The following FRRS1 variants were observed in gnomAD, a reference collection of about 807,000 sequenced individuals.
FRRS1 encodes ferric chelate reductase 1.
FRRS1 carries 51 observed loss-of-function variants against 70.7 expected under a neutral mutation model. The ratio of observed to expected loss-of-function variants is 0.72; its 90% CI spans 0.58 to 0.91. The LOEUF (loss-of-function observed/expected upper bound fraction) is 0.91, where lower values mean the gene tolerates loss of function less well. Among genes scored for constraint, FRRS1 ranks in the 40% least tolerant of loss-of-function variants. The pLI, the probability that FRRS1 is intolerant of heterozygous loss-of-function variation, is 0.00. For missense variants in FRRS1, 672 were observed against 726.0 expected, an observed-to-expected ratio of 0.93 and a Z score of 0.86; for synonymous variants, 225 against 238.7, an observed-to-expected ratio of 0.94 and a Z score of 0.53.
intron 6 of FRRS1, among the ~76,000 whole-genome samples, chr1:99,739,321 C>G (rs1263473504): frequency 2.0e-5 from 3 of 152,266 alleles, no homozygotes; most frequent in African/African-American, 7.2e-5. Context: ...CCAACAAGAG[C>G]CTTTGATTGA....
chr1:99,749,390 GCTTT>G (rs749386858), intron 1 of FRRS1, among the ~76,000 whole-genome samples: 1 of 152,088 alleles, frequency 6.6e-6, no homozygotes, highest in Non-Finnish European at 1.5e-5. Flanking sequence ...ATAAATAATA[GCTTT>G]CTTTATTATC....
intron 7 of FRRS1, among the ~76,000 whole-genome samples, chr1:99,733,525 A>G (rs1428911612): frequency 2.0e-5 from 3 of 152,250 alleles, no homozygotes. Context: ...TGGTGGAGAC[A>G]CATCAAAAGG....
intron 6 of FRRS1, among the ~76,000 whole-genome samples, chr1:99,740,445 T>C (rs1655900775): frequency 6.6e-6 from 1 of 152,208 alleles, no homozygotes; most frequent in Non-Finnish European, 1.5e-5. Flanking sequence ...TCTATGCACT[T>C]TGCCACACAA....
In FRRS1 at chr1:99,707,486, G is replaced by A. The variant is rs1236037315; in HGVS notation, c.*1542C>T. Among the ~76,000 whole-genome samples, 3 of 151,978 alleles carry A rather than the reference G, an allele frequency of 2.0e-5. No individual in the cohort carries two copies. Among genetic ancestry groups the A allele is most frequent in the Non-Finnish European group, 2.9e-5 (2 of 67,992 alleles). On this transcript the variant is annotated 3_prime_UTR_variant, in exon 17 of 17. Transcript: ENST00000646001. ...TGCATTCATTATTACAGGGTCAGGG[G>A]ACTTGTAAAAACAAATATCAATTAT...
At position 99,708,618 on chromosome 1, in the gene FRRS1, AAAAAAAAATATATATATATATATATATAT is replaced by A. The variant is rs1654115700; in HGVS notation, c.*381_*409del. ...GTCTCAAAAAAAAAAAAAAAAAAAA[AAAAAAAAATATATATATATATATATATAT>A]ATATATATATATATATCGTAATATA... On this transcript the variant is annotated 3_prime_UTR_variant, in exon 17 of 17. Coordinates refer to ENST00000646001, the MANE Select transcript of FRRS1 (RefSeq NM_001361041.2). The A allele has an allele frequency of 2.3e-5, 2 of 87,352 alleles. No homozygotes were observed. Among genetic ancestry groups the A allele is most frequent in the Admixed American group, 1.3e-4 (1 of 7,898 alleles). The allele number at this position is 87,352 out of a possible 1,614,324, so 5.4% of individuals were successfully genotyped here. A position where few individuals can be genotyped will look rare whatever the true frequency, so the allele number is the denominator to read the frequency against.
At chr1:99,745,763 C>G (rs186589386) in intron 4 of FRRS1, among the ~76,000 whole-genome samples, 1 of 152,006 alleles carries the variant, frequency 6.6e-6, no homozygotes, top group Non-Finnish European at 1.5e-5. Flanking sequence ...AATTGCAATC[C>G]CCAGTGTTGG....
intron 1 of FRRS1, among the ~76,000 whole-genome samples, chr1:99,761,333 A>C (rs1657104718): frequency 6.6e-6 from 1 of 151,778 alleles, no homozygotes; most frequent in Non-Finnish European, 1.5e-5. Context: ...TGACTATATT[A>C]CCCAGGCTGG....
intron 1 of FRRS1, among the ~76,000 whole-genome samples, chr1:99,753,575 G>A (rs1465098336): frequency 3.3e-5 from 5 of 151,908 alleles, no homozygotes; most frequent in Non-Finnish European, 7.4e-5. Flanking sequence ...AGACCATCCT[G>A]GCTAACATGG....
At chr1:99,715,185 A>T (rs1473867877) in intron 12 of FRRS1, among the ~76,000 whole-genome samples, 1 of 152,152 alleles carries the variant, frequency 6.6e-6, no homozygotes, top group Non-Finnish European at 1.5e-5. Flanking sequence ...ACACATATAA[A>T]GCACTTAGCA....
chr1:99,706,876 A>T lies in FRRS1; in HGVS notation c.*2152T>A, dbSNP rs1654049936. 6.7e-6 allele frequency among the ~76,000 whole-genome samples: 1 copy of T among 149,566 alleles called. No individual in the cohort carries two copies. Among genetic ancestry groups the T allele is most frequent in the Admixed American group, 6.6e-5 (1 of 15,170 alleles). ...CACTGCACTCCAGCCTAGACAACAG[A>T]GTGAGACTTTGTCACAAAAAAAAAA... On this transcript the variant is annotated 3_prime_UTR_variant, in exon 17 of 17. Coordinates refer to ENST00000646001, the MANE Select transcript of FRRS1 (RefSeq NM_001361041.2).
Position 99,738,279 on chromosome 1 carries a change from G to A in FRRS1, c.577-11C>T, listed in dbSNP as rs894625222. The A allele has an allele frequency of 6.4e-7, 1 of 1,554,866 alleles. No individual in the cohort carries two copies. Among genetic ancestry groups the A allele is most frequent in the Non-Finnish European group, 8.7e-7 (1 of 1,152,558 alleles). On this transcript the variant is annotated splice_polypyrimidine_tract_variant and intron_variant, in intron 6 of 16. Coordinates refer to ENST00000646001, the MANE Select transcript of FRRS1 (RefSeq NM_001361041.2). Reference sequence around the variant, plus strand: ...ATCTGAGGCACTGAACTAGAAAAATGACAGAGGAAAAAAAAATCTTAATTA... The same window carrying A: ...ATCTGAGGCACTGAACTAGAAAAATAACAGAGGAAAAAAAAATCTTAATTA...
chr1:99,742,639 C>T (rs985490920), intron 4 of FRRS1, among the ~76,000 whole-genome samples: 1 of 152,212 alleles, frequency 6.6e-6, no homozygotes, highest in African/African-American at 2.4e-5. Context: ...AGAAAAATTT[C>T]CTGCCTTCAA....
intron 6 of FRRS1, 63 bp from the exon 7 acceptor site, chr1:99,738,331 CAGA>C (rs770819601): frequency 3.9e-5 from 49 of 1,250,100 alleles, no homozygotes; most frequent in Non-Finnish European, 5.3e-5. Context: ...TTGGCAATGA[CAGA>C]AGAATAACTA....
At position 99,704,317 on chromosome 1, in the gene FRRS1, T is replaced by C. The variant is rs1653970720; in HGVS notation, c.*4711A>G. ...AATTTACAGGATCAGCTGCCTCCCA[T>C]CCCATTTATAAGGATGGTCAAAACA... is the stretch of plus-strand genomic sequence containing the variant. On this transcript the variant is annotated 3_prime_UTR_variant, in exon 17 of 17. Coordinates refer to ENST00000646001, the MANE Select transcript of FRRS1 (RefSeq NM_001361041.2). Among the ~76,000 whole-genome samples, 1 of 152,134 alleles carries C rather than the reference T, an allele frequency of 6.6e-6. No homozygotes were observed. Among genetic ancestry groups the C allele is most frequent in the Non-Finnish European group, 1.5e-5 (1 of 68,030 alleles).
intron 9 of FRRS1, among the ~76,000 whole-genome samples, chr1:99,723,880 A>G (rs1571109634): frequency 6.6e-6 from 1 of 152,304 alleles, no homozygotes; most frequent in South Asian, 2.1e-4. Flanking sequence ...GAGAAAGAAG[A>G]GTTTTATGTA....
chr1:99,741,109 G>A lies in FRRS1; in HGVS notation c.429-169C>T, dbSNP rs7551679. On this transcript the variant is annotated intron_variant, in intron 5 of 16. Coordinates refer to ENST00000646001, the MANE Select transcript of FRRS1 (RefSeq NM_001361041.2). ...AATCTCTAACCACTCTCTCCCACCC[G>A]ATCACTTGACAAATTTTTATTGCTT... Among the ~76,000 whole-genome samples the A allele has an allele frequency of 1.4e-4, 21 of 152,102 alleles. No individual in the cohort carries two copies. In the East Asian group the frequency reaches 3.3e-3, roughly 24 times the overall value.
intron 7 of FRRS1, among the ~76,000 whole-genome samples, chr1:99,732,268 C>A (rs4614285): frequency 0.49 from 75,197 of 152,024 alleles, 22,587 homozygotes; most frequent in African/African-American, 0.85. Context: ...AAAGTACACC[C>A]TATAAGAACT....
intron 15 of FRRS1, among the ~76,000 whole-genome samples, chr1:99,710,045 A>C (rs1654200386): frequency 1.3e-5 from 2 of 152,318 alleles, no homozygotes; most frequent in South Asian, 4.1e-4. Context: ...ATATAAGCCT[A>C]TCAAGGATCA....
At chr1:99,718,110 C>T (rs975750778) in intron 10 of FRRS1, among the ~76,000 whole-genome samples, 5 of 152,092 alleles carry the variant, frequency 3.3e-5, no homozygotes, top group South Asian at 2.1e-4. Flanking sequence ...TGGCATTTAT[C>T]GAAAACTTTA....
Sources: gnomAD v4.1 joint callset for allele counts (sites outside exome capture counted in the v4.1 genomes callset) on GRCh38, gnomAD v4.1.1 for gene constraint, MANE v1.5 for transcripts, NCBI Gene and HGNC (gene_info 2026-07-23, HGNC 2026-07-21) for gene names.